The following KLF17 variants were observed in gnomAD, a reference collection of about 807,000 sequenced individuals.
The protein encoded by KLF17 is KLF transcription factor 17.
KLF17 carries 31 observed loss-of-function variants against 34.2 expected under a neutral mutation model. The observed-to-expected ratio is 0.91, with a 90% CI of 0.68 to 1.22. The LOEUF is 1.22. Ranked by LOEUF, KLF17 falls within the 50% of genes most tolerant of loss-of-function variation. The probability of loss-of-function intolerance (pLI) is 0.00; values close to 1 mark genes in which losing one functional copy is unlikely to be tolerated. For missense variants in KLF17, 478 were observed against 505.2 expected (o/e 0.95, Z 0.52); for synonymous variants, 179 against 186.7 (o/e 0.96, Z 0.34).
At chr1:44,131,896 T>C (rs2088114800) in intron 3 of KLF17, among the ~76,000 whole-genome samples, 1 of 151,928 alleles carries the variant, frequency 6.6e-6, no homozygotes, top group African/African-American at 2.4e-5. Context: ...GGTTTCACCA[T>C]GTTGGCCAGA....
chr1:44,104,970 A>G, the KLF17 span: 5 of 158,846 alleles, frequency 3.1e-5, no homozygotes, highest in Admixed American at 1.2e-4. Flanking sequence ...TTAGCCAGGT[A>G]TGGTGGAGGA....
At chr1:44,099,179 G>A in the KLF17 span, among the ~76,000 whole-genome samples, 1 of 152,024 alleles carries the variant, frequency 6.6e-6, no homozygotes, top group Non-Finnish European at 1.5e-5. Flanking sequence ...TGAGGCTGGA[G>A]GATTGCTTGA....
chr1:44,089,093 G>A, the KLF17 span, among the ~76,000 whole-genome samples: 3 of 152,108 alleles, frequency 2.0e-5, no homozygotes, highest in Non-Finnish European at 2.9e-5. Flanking sequence ...TCTTCAAGAA[G>A]GAGGGAGCAT....
chr1:44,097,895 C>T, the KLF17 span, among the ~76,000 whole-genome samples: 2 of 152,052 alleles, frequency 1.3e-5, no homozygotes, highest in Non-Finnish European at 2.9e-5. Context: ...GTCCTTCATT[C>T]TGTTGATATG....
chr1:44,099,905 GAA>G, the KLF17 span, among the ~76,000 whole-genome samples: 1 of 52,198 alleles, frequency 1.9e-5, no homozygotes, highest in Non-Finnish European at 4.1e-5. Context: ...AAGAAAGAAA[GAA>G]AGAAAGAAAG....
Position 44,130,409 on chromosome 1 carries a change from A to C in KLF17, c.926-103A>C, listed in dbSNP as rs1277710956. 4.7e-6 allele frequency: 7 copies of C among 1,497,126 alleles called. No individual in the cohort carries two copies. The South Asian group carries it at 8.5e-5, about 18-fold the overall frequency. 92.7% of individuals were successfully genotyped at this position (1,497,126 alleles called of 1,614,324 possible). A position where few individuals can be genotyped will look rare whatever the true frequency, so the allele number is the denominator to read the frequency against. On this transcript the variant is annotated intron_variant, in intron 2 of 3. Transcript: ENST00000372299. ...GTGTTGCCCCTCCCTGGTTCCCTGG[A>C]CCTTCCCTTTTGAATCCTCAACCTG...
Position 44,130,715 on chromosome 1 carries a change from A to G in KLF17, c.1129A>G (p.Asn377Asp). The G allele has an allele frequency of 3.7e-6, 6 of 1,614,160 alleles. No homozygotes were observed. The highest frequency in any genetic ancestry group is 1.1e-5 in the South Asian group (1 of 91,082). Reference protein sequence around the residue: ...PGPSDPQANNNNGEQDSPPAA... With the variant: ...PGPSDPQANNDNGEQDSPPAA... ...ACCCTCAGACCCACAGGCCAACAAC[A>G]ACAATGGAGAGCAGGACAGTCCTCC... The change falls in exon 3 of 4, where the codon AAC becomes GAC. Residue 377 changes from asparagine (N) to aspartate (D), a missense_variant. By Grantham distance (23) the Asn-to-Asp change is conservative. Coordinates refer to ENST00000372299, the MANE Select transcript of KLF17 (RefSeq NM_173484.4).
At chr1:44,080,217 G>A in the KLF17 span, among the ~76,000 whole-genome samples, 2 of 143,838 alleles carry the variant, frequency 1.4e-5, no homozygotes, top group Non-Finnish European at 3.0e-5. Context: ...GTGAGCCACC[G>A]TACCTGGCCC....
At chr1:44,107,076 A>G in the KLF17 span, 1 of 152,202 alleles carries the variant, frequency 6.6e-6, no homozygotes, top group African/African-American at 2.4e-5. Flanking sequence ...TGGGAATGTA[A>G]TGATGATGGT....
the KLF17 span, chr1:44,103,956 C>A: frequency 2.3e-6 from 2 of 866,870 alleles, no homozygotes; most frequent in African/African-American, 1.6e-5. Context: ...CTCAGCCCGC[C>A]TGCGGTTGGC....
the KLF17 span, among the ~76,000 whole-genome samples, chr1:44,075,654 A>G: frequency 6.6e-6 from 1 of 152,278 alleles, no homozygotes; most frequent in South Asian, 2.1e-4. Flanking sequence ...TGAGAATCCT[A>G]TTTTGTTCAA....
At chr1:44,127,818 T>G (rs1392358431) in intron 1 of KLF17, among the ~76,000 whole-genome samples, 1 of 151,088 alleles carries the variant, frequency 6.6e-6, no homozygotes, top group Non-Finnish European at 1.5e-5. Context: ...TTTCTTGTGT[T>G]TGATTGTTGT....
chr1:44,127,683 T>TTTCTTTCTTTC (rs1557731988), intron 1 of KLF17, among the ~76,000 whole-genome samples: 1 of 25,446 alleles, frequency 3.9e-5, no homozygotes, highest in African/African-American at 8.4e-5. Flanking sequence ...TCTTTCTTTC[T>TTTCTTTCTTTC]TTCTTTCTTT....
chr1:44,053,448 C>A, the KLF17 span, among the ~76,000 whole-genome samples: 1 of 152,068 alleles, frequency 6.6e-6, no homozygotes, highest in Non-Finnish European at 1.5e-5. Context: ...CCTCTCCAGT[C>A]CCCTAGTTCT....
At chr1:44,080,392 C>T in the KLF17 span, among the ~76,000 whole-genome samples, 1 of 151,826 alleles carries the variant, frequency 6.6e-6, no homozygotes, top group Non-Finnish European at 1.5e-5. Context: ...GCGCCCACCA[C>T]CACCCCTGGC....
the KLF17 span, among the ~76,000 whole-genome samples, chr1:44,108,604 T>C: frequency 6.8e-6 from 1 of 146,430 alleles, no homozygotes; most frequent in South Asian, 2.3e-4. Context: ...GCTGGGTGGC[T>C]GGTGGGATCT....
intron 3 of KLF17, among the ~76,000 whole-genome samples, chr1:44,132,952 G>A (rs1054137584): frequency 1.2e-4 from 19 of 152,180 alleles, no homozygotes; most frequent in Non-Finnish European, 1.8e-4. Context: ...TCCCAACCAG[G>A]ATCTGTCTGC....
At chr1:44,085,631 A>T in the KLF17 span, among the ~76,000 whole-genome samples, 1 of 151,968 alleles carries the variant, frequency 6.6e-6, no homozygotes, top group African/African-American at 2.4e-5. Context: ...CATCTCTACA[A>T]AAAATAAAAA....
At chr1:44,110,656 T>G in the KLF17 span, 2 of 152,084 alleles carry the variant, frequency 1.3e-5, no homozygotes, top group African/African-American at 4.8e-5. Flanking sequence ...ATCACGCCAT[T>G]GCACTCCAGC....
Sources: gnomAD v4.1 joint callset for allele counts (sites outside exome capture counted in the v4.1 genomes callset) on GRCh38, gnomAD v4.1.1 for gene constraint, MANE v1.5 for transcripts, NCBI Gene and HGNC (gene_info 2026-07-23, HGNC 2026-07-21) for gene names.